The following SLC4A3 variants were observed in gnomAD, a reference collection of about 807,000 sequenced individuals.
SLC4A3 encodes the protein anion exchange protein 3.
A neutral mutation model predicts 114.2 loss-of-function variants in SLC4A3; 47 were observed. The observed-to-expected ratio is 0.41, with a 90% CI of 0.33 to 0.52. The LOEUF (loss-of-function observed/expected upper bound fraction) is 0.52, where lower values mean the gene tolerates loss of function less well. SLC4A3 is among the 20% of genes least tolerant of loss of function. The pLI is 0.21. For synonymous variants in SLC4A3, 693 were observed against 710.3 expected (o/e 0.98, Z 0.39); for missense variants, 1,312 against 1,668.3 (o/e 0.79, Z 3.72).
Position 219,629,038 on chromosome 2 carries a change from T to G in SLC4A3, c.218-106T>G, listed in dbSNP as rs908385902. On this transcript the variant is annotated intron_variant, in intron 3 of 22. Coordinates refer to ENST00000358055, the MANE Select transcript of SLC4A3 (RefSeq NM_005070.4). ...GGGGTCATGGCCCTGGAGGAAGGAC[T>G]AGGGTGCCCTTGTTTGCGGCCTTGA... 7 of 1,348,094 alleles carry G rather than the reference T, an allele frequency of 5.2e-6. No homozygotes were observed. In the African/African-American group the frequency reaches 5.9e-5, roughly 11 times the overall value. The allele number at this position is 1,348,094 out of a possible 1,614,324, so 83.5% of individuals were successfully genotyped here. A position where few individuals can be genotyped will look rare whatever the true frequency, so the allele number is the denominator to read the frequency against.
At position 219,637,932 on chromosome 2, in the gene SLC4A3, C is replaced by T; in HGVS notation, c.2766+121C>T. ...GGACCAAAACCCAGCTCGGGCAGCC[C>T]CTCACCCCTTCGGAAGCCTCTTCCC... On this transcript the variant is annotated intron_variant, in intron 17 of 22. Coordinates refer to ENST00000358055, the MANE Select transcript of SLC4A3 (RefSeq NM_005070.4). The surrounding 1 kb of genome is among the most constrained non-coding windows in gnomAD (Gnocchi z 4.6). The T allele has an allele frequency of 1.2e-6, 1 of 808,618 alleles. No individual in the cohort carries two copies. Among genetic ancestry groups the T allele is most frequent in the Non-Finnish European group, 2.0e-6 (1 of 489,636 alleles). The allele number at this position is 808,618 out of a possible 1,614,324, so 50.1% of individuals were successfully genotyped here.
rs1371741554 is a variant in SLC4A3, at chr2:219,633,311, C to T, written c.1315C>T (p.Arg439Ter). Reference protein sequence around the residue: ...NDDKDSGFFPRNPSSSSMNSV... With the variant: ...NDDKDSGFFP ...TGACAAGGACAGTGGCTTCTTTCCC[C>T]GAAACCCATCGAGCTCCAGCATGAA... The change falls in exon 10 of 23, where the codon CGA (arginine) becomes TGA (stop). Residue 439 changes from arginine to a stop codon, truncating the protein, a stop_gained. Transcript: ENST00000358055. LOFTEE classifies it high-confidence loss of function. The T allele has an allele frequency of 3.1e-6, 5 of 1,594,252 alleles. No individual in the cohort carries two copies. Among genetic ancestry groups the T allele is most frequent in the Non-Finnish European group, 4.3e-6 (5 of 1,168,446 alleles).
rs1337663004 is a variant in SLC4A3 at position 219,636,483 on chromosome 2, C to G, written c.2340+33C>G. On this transcript the variant is annotated intron_variant, in intron 15 of 22. Transcript: ENST00000358055. This position sits in a 1 kb window ranked among gnomAD's most constrained non-coding sequence, Gnocchi z 5.5. The stretch of plus-strand genomic sequence containing the variant: ...GAAGCCTTGCCCTGCTCCATCCATC[C>G]TGCCCCACACTCTTCCTTACCTACA... The G allele has an allele frequency of 6.4e-7, 1 of 1,553,398 alleles. No homozygotes were observed. The highest frequency in any genetic ancestry group is 8.7e-7 in the Non-Finnish European group (1 of 1,154,804).
chr2:219,632,786 G>T (rs370711080), intron 8 of SLC4A3, 88 bp from the exon 9 acceptor site: 6 of 1,546,816 alleles, frequency 3.9e-6, no homozygotes, highest in East Asian at 2.3e-5. Context: ...CAGCACATTC[G>T]CATGCTTTTG....
rs375946308 is a variant in SLC4A3, at chr2:219,628,886, G to A, written c.218-258G>A. 1.7e-5 allele frequency: 10 copies of A among 580,600 alleles called. No individual in the cohort carries two copies. Among genetic ancestry groups the A allele is most frequent in the African/African-American group, 3.8e-5 (2 of 53,276 alleles). 36.0% of individuals were successfully genotyped at this position (580,600 alleles called of 1,614,324 possible). ...GTCCCACCTCGGCTAGTCCAACTCC[G>A]CCTTTCCCCTCCTTGCTGTATCACG... On this transcript the variant is annotated intron_variant, in intron 3 of 22. Transcript: ENST00000358055. The surrounding 1 kb of genome is among the most constrained non-coding windows in gnomAD (Gnocchi z 4.8).
At position 219,639,500 on chromosome 2, in the gene SLC4A3, G is replaced by A. The variant is rs1490104211; in HGVS notation, c.3042G>A (p.Lys1014=). ...CCTGCAGGCTTATCGTCAGCCAGAAGGCGCGGAGGCTGCTCAAGGGCTCCG... is the reference window on the plus strand; with the variant it reads ...CCTGCAGGCTTATCGTCAGCCAGAAAGCGCGGAGGCTGCTCAAGGGCTCCG... ...TQITALIVSQ[K]ARRLLKGSGF... is the part of the protein sequence containing the mutation. The change falls in exon 20 of 23, where the codon AAG becomes AAA. Residue 1014 remains lysine, a synonymous_variant. Coordinates refer to ENST00000358055, the MANE Select transcript of SLC4A3 (RefSeq NM_005070.4). This position sits in a 1 kb window ranked among gnomAD's most constrained non-coding sequence, Gnocchi z 5.9. 6 of 1,613,494 alleles carry A rather than the reference G, an allele frequency of 3.7e-6. No individual in the cohort carries two copies. The highest frequency in any genetic ancestry group is 8.5e-7 in the Non-Finnish European group (1 of 1,179,880).
At position 219,628,644 on chromosome 2, in the gene SLC4A3, C is replaced by T; in HGVS notation, c.217+74C>T. On this transcript the variant is annotated intron_variant, in intron 3 of 22. Coordinates refer to ENST00000358055, the MANE Select transcript of SLC4A3 (RefSeq NM_005070.4). This position sits in a 1 kb window ranked among gnomAD's most constrained non-coding sequence, Gnocchi z 4.8. ...TTCATCGCCACCATCACCGCGCTCACCTCCGGCTTGGTCACCCAGTGCCAT... is the reference window on the plus strand; with the variant it reads ...TTCATCGCCACCATCACCGCGCTCATCTCCGGCTTGGTCACCCAGTGCCAT... 1 of 1,493,852 alleles carries T rather than the reference C, an allele frequency of 6.7e-7. No homozygotes were observed. The highest frequency in any genetic ancestry group is 9.2e-7 in the Non-Finnish European group (1 of 1,087,684). The allele number at this position is 1,493,852 out of a possible 1,614,324, so 92.5% of individuals were successfully genotyped here.
chr2:219,632,296 G>A lies in SLC4A3; in HGVS notation c.995G>A (p.Arg332His), dbSNP rs185822333. Residue 332 changes from arginine (R) to histidine (H), a missense_variant, in exon 8 of 23, where the codon CGC becomes CAC. Arg to His is a conservative substitution (Grantham distance 29). Around this residue, in one of 4 missense-constraint regions of SLC4A3, gnomAD observed 771 missense variants for 977.7 expected, o/e 0.79. Transcript: ENST00000358055. ...GAGCTGAACGAGCTGATGCTGGACC[G>A]CAGCCAGGAGCCCCACTGGCGGGAG... Reference protein sequence around the residue: ...FVELNELMLDRSQEPHWRETA... With the variant: ...FVELNELMLDHSQEPHWRETA... The A allele has an allele frequency of 6.6e-5, 107 of 1,614,076 alleles. No homozygotes were observed. The East Asian group carries it at 1.8e-3, about 27-fold the overall frequency.
At chr2:219,632,843 G>C in intron 8 of SLC4A3, 31 bp from the exon 9 acceptor site, 1 of 1,613,026 alleles carries the variant, frequency 6.2e-7, no homozygotes, top group African/African-American at 1.3e-5. Context: ...TGATGGGACT[G>C]TGCCCTCTCT....
rs3214742 is a variant in SLC4A3, at chr2:219,629,882, AGG to A, written c.611+196_611+197del. Among the ~76,000 whole-genome samples the A allele has an allele frequency of 2.6e-4, 27 of 105,056 alleles. 1 individual carries two copies. The highest frequency in any genetic ancestry group is 3.9e-4 in the South Asian group (1 of 2,556). The allele number at this position is 105,056 out of a possible 152,430, so 68.9% of individuals were successfully genotyped here. ...CATGATTTACAAGGAGGAGAGAACA[AGG>A]GGGGGGGGAGAAAAACAGAGAAGAG... is the stretch of plus-strand genomic sequence containing the variant. On this transcript the variant is annotated intron_variant, in intron 5 of 22. Coordinates refer to ENST00000358055, the MANE Select transcript of SLC4A3 (RefSeq NM_005070.4).
chr2:219,632,395 C>G lies in SLC4A3; in HGVS notation c.1094C>G (p.Ser365Trp), dbSNP rs374698562. 4.3e-6 allele frequency: 7 copies of G among 1,611,918 alleles called. No individual in the cohort carries two copies. The highest frequency in any genetic ancestry group is 5.9e-6 in the Non-Finnish European group (7 of 1,178,942). ...TERWGKPHVA[S>W]LSFRSLLELR... is the part of the protein sequence containing the mutation. ...CGCTGGGGGAAGCCCCATGTTGCCT[C>G]GCTCTCCTTCCGTAGCCTTCTGGAG... Residue 365 changes from serine (S) to tryptophan (W), a missense_variant, in exon 8 of 23, where the codon TCG becomes TGG. Physicochemically the swap from Ser to Trp is radical, Grantham distance 177. This residue lies in a region of SLC4A3 where 771 missense variants were observed against 977.7 expected (regional missense o/e 0.79). Coordinates refer to ENST00000358055, the MANE Select transcript of SLC4A3 (RefSeq NM_005070.4).
rs1699216167 is a variant in SLC4A3, at chr2:219,638,747, G to A, written c.2901G>A (p.Lys967=). 7 of 1,614,016 alleles carry A rather than the reference G, an allele frequency of 4.3e-6. No individual in the cohort carries two copies. Among genetic ancestry groups the A allele is most frequent in the South Asian group, 2.2e-5 (2 of 91,088 alleles). Residue 967 remains lysine, a synonymous_variant, in exon 19 of 23, where the codon AAG becomes AAA. Coordinates refer to ENST00000358055, the MANE Select transcript of SLC4A3 (RefSeq NM_005070.4). The surrounding 1 kb of genome is among the most constrained non-coding windows in gnomAD (Gnocchi z 7.5). The part of the protein sequence containing the change: ...PTGLSVTSPD[K]RSWFIPPLGS... ...GGCTCTCAGTGACCTCTCCCGATAAGCGCTCGTGGTTCATCCCACCCCTGG... is the reference window on the plus strand; with the variant it reads ...GGCTCTCAGTGACCTCTCCCGATAAACGCTCGTGGTTCATCCCACCCCTGG...
rs747120467 is a variant in SLC4A3 at position 219,637,570 on chromosome 2, T to C, written c.2536-11T>C. 6.8e-7 allele frequency: 1 copy of C among 1,461,086 alleles called. No individual in the cohort carries two copies. Among genetic ancestry groups the C allele is most frequent in the Non-Finnish European group, 9.4e-7 (1 of 1,064,248 alleles). The allele number at this position is 1,461,086 out of a possible 1,614,324, so 90.5% of individuals were successfully genotyped here. On this transcript the variant is annotated splice_polypyrimidine_tract_variant and intron_variant, in intron 16 of 22. Transcript: ENST00000358055. This position sits in a 1 kb window ranked among gnomAD's most constrained non-coding sequence, Gnocchi z 4.6. ...GGTGAGTGACAAGGCATCCTTGTTATCCACACACAGGTGTTCACAGAGCAC... is the reference window on the plus strand; with the variant it reads ...GGTGAGTGACAAGGCATCCTTGTTACCCACACACAGGTGTTCACAGAGCAC...
chr2:219,634,734 G>T, intron 12 of SLC4A3, 130 bp downstream of exon 12: 1 of 975,956 alleles, frequency 1.0e-6, no homozygotes, highest in South Asian at 1.7e-5. Context: ...GCCCTGGAGG[G>T]TGGTGGGGGG....
Position 219,633,992 on chromosome 2 carries a change from G to T in SLC4A3, c.1561+13G>T. ...GTTGTGCTTGTGGGTGAGGAGGGCC[G>T]GGCGCCGGGGGCAGGGTCTGCAGTG... On this transcript the variant is annotated intron_variant, in intron 11 of 22. Transcript: ENST00000358055. The T allele has an allele frequency of 6.5e-7, 1 of 1,540,498 alleles. No individual in the cohort carries two copies.
Position 219,636,682 on chromosome 2 carries a change from C to T in SLC4A3, c.2343C>T (p.Phe781=). ...CGACCGCTCCTACCCCCACCTAGTT[C>T]TGCCGAGCCCAGGACCTGGAGTACC... ...LLVFEEAFFK[F]CRAQDLEYLT... The change falls in exon 16 of 23, where the codon TTC becomes TTT. Residue 781 remains phenylalanine, a splice_region_variant and synonymous_variant. Transcript: ENST00000358055. This position sits in a 1 kb window ranked among gnomAD's most constrained non-coding sequence, Gnocchi z 5.5. The T allele has an allele frequency of 1.2e-6, 2 of 1,612,886 alleles. No individual in the cohort carries two copies. Among genetic ancestry groups the T allele is most frequent in the Non-Finnish European group, 8.5e-7 (1 of 1,179,262 alleles).
Position 219,633,535 on chromosome 2 carries a change from T to C in SLC4A3, c.1461+78T>C, listed in dbSNP as rs1699012971. The stretch of plus-strand genomic sequence containing the variant: ...CAGTCGAGGTCATCGACGACTTCAC[T>C]GAGTGGGTTGGGAAGGTTGGATTGC... On this transcript the variant is annotated intron_variant, in intron 10 of 22. Coordinates refer to ENST00000358055, the MANE Select transcript of SLC4A3 (RefSeq NM_005070.4). The C allele has an allele frequency of 2.7e-5, 35 of 1,294,814 alleles. No homozygotes were observed. The South Asian group carries it at 5.2e-4, about 19-fold the overall frequency. 80.2% of individuals were successfully genotyped at this position (1,294,814 alleles called of 1,614,324 possible).
Position 219,631,821 on chromosome 2 carries a change from C to T in SLC4A3, c.812-147C>T, listed in dbSNP as rs944078014. ...TTCAGTCTTCTTATCAATGAAATGG[C>T]CACATGGGATTATGTGGTTCCCGTC... is the stretch of plus-strand genomic sequence containing the variant. On this transcript the variant is annotated intron_variant, in intron 6 of 22. Transcript: ENST00000358055. The surrounding 1 kb of genome is among the most constrained non-coding windows in gnomAD (Gnocchi z 6.3). 2 of 870,272 alleles carry T rather than the reference C, an allele frequency of 2.3e-6. No homozygotes were observed. The highest frequency in any genetic ancestry group is 3.6e-6 in the Non-Finnish European group (2 of 562,126). 53.9% of individuals were successfully genotyped at this position (870,272 alleles called of 1,614,324 possible). A position where few individuals can be genotyped will look rare whatever the true frequency, so the allele number is the denominator to read the frequency against.
chr2:219,635,571 C>A (rs1363083916), intron 13 of SLC4A3, 75 bp downstream of exon 13: 21 of 1,483,306 alleles, frequency 1.4e-5, no homozygotes, highest in Non-Finnish European at 1.9e-5. Flanking sequence ...GACCCCAGCC[C>A]CGTCCTGACT....
Sources: gnomAD v4.1 joint callset for allele counts (sites outside exome capture counted in the v4.1 genomes callset) on GRCh38, gnomAD v4.1.1 for gene constraint, gnomAD v4.1.1 regional missense constraint, Gnocchi (gnomAD v3.1) non-coding constraint, MANE v1.5 for transcripts, NCBI Gene and HGNC (gene_info 2026-07-23, HGNC 2026-07-21) for gene names.